Variants in FGB observed in about 807,000 individuals in gnomAD.
FGB encodes the protein fibrinogen beta chain.
In FGB, 25 loss-of-function variants were observed where a neutral mutation model predicts 57.9. That is an observed-to-expected ratio of 0.43 (90% CI 0.31 to 0.60). FGB has a LOEUF of 0.60. FGB is among the 20% of genes least tolerant of loss of function. The pLI is 0.08. For synonymous variants in FGB, 203 were observed against 199.2 expected (o/e 1.02, Z -0.16); for missense variants, 536 against 598.4 (o/e 0.90, Z 1.09).
rs1305307903 is a variant in FGB at position 154,570,730 on chromosome 4, T to C, written c.*80T>C. 1.0e-5 allele frequency: 11 copies of C among 1,075,296 alleles called. No homozygotes were observed. Among genetic ancestry groups the C allele is most frequent in the Non-Finnish European group, 1.6e-5 (11 of 704,096 alleles). 66.6% of individuals were successfully genotyped at this position (1,075,296 alleles called of 1,614,324 possible). A position where few individuals can be genotyped will look rare whatever the true frequency, so the allele number is the denominator to read the frequency against. The stretch of plus-strand genomic sequence containing the variant: ...TGTTATTGGAATTTTCTTTCATACA[T>C]TATATTCCTCTAAAACTCTCAAGCA... On this transcript the variant is annotated 3_prime_UTR_variant, in exon 8 of 8. Coordinates refer to ENST00000302068, the MANE Select transcript of FGB (RefSeq NM_005141.5).
intron 5 of FGB, 92 bp downstream of exon 5, chr4:154,568,586 C>G: frequency 1.3e-6 from 1 of 785,884 alleles, no homozygotes; most frequent in South Asian, 1.4e-5. Context: ...TGGCTCATAC[C>G]TGTAATTCCA....
In FGB at chr4:154,566,608, T is replaced by G. The variant is rs1277349539; in HGVS notation, c.426T>G (p.Ser142=). 1 of 1,614,154 alleles carries G rather than the reference T, an allele frequency of 6.2e-7. No individual in the cohort carries two copies. Among genetic ancestry groups the G allele is most frequent in the Non-Finnish European group, 8.5e-7 (1 of 1,180,006 alleles). ...TGGAAGCTGTTTCCCAGACCTCCTC[T>G]TCTTCCTTTCAGTACATGTATTTGC... The part of the protein sequence containing the change: ...NNVEAVSQTS[S]SSFQYMYLLK... Residue 142 remains serine (S), a synonymous_variant, in exon 3 of 8, where the codon TCT becomes TCG. Transcript: ENST00000302068.
At position 154,572,642 on chromosome 4, in the gene FGB, T is replaced by C. The variant is rs542921856; in HGVS notation, c.*1992T>C. Among the ~76,000 whole-genome samples, 14 of 152,272 alleles carry C rather than the reference T, an allele frequency of 9.2e-5. No individual in the cohort carries two copies. Among genetic ancestry groups the C allele is most frequent in the African/African-American group, 3.4e-4 (14 of 41,554 alleles). ...AGCTTAGACTCTGAACACATATTCT[T>C]CTTAGACCATACAGTCATTCTCAGG... On this transcript the variant is annotated 3_prime_UTR_variant, in exon 8 of 8. Coordinates refer to ENST00000302068, the MANE Select transcript of FGB (RefSeq NM_005141.5).
chr4:154,566,062 G>A, intron 2 of FGB, 63 bp downstream of exon 2: 1 of 1,422,142 alleles, frequency 7.0e-7, no homozygotes, highest in Non-Finnish European at 9.8e-7. Flanking sequence ...TGTAGTCATG[G>A]CAGTCTGCTA....
chr4:154,564,619 T>C (rs1403779306), intron 1 of FGB, among the ~76,000 whole-genome samples: 2 of 152,164 alleles, frequency 1.3e-5, no homozygotes, highest in Admixed American at 1.3e-4. Flanking sequence ...AATGAATAAA[T>C]GACAATGCAA....
At chr4:154,566,880 T>C (rs368199571) in intron 3 of FGB, 67 of 578,338 alleles carry the variant, frequency 1.2e-4, no homozygotes, top group African/African-American at 1.0e-3. Flanking sequence ...TGATTTTCTA[T>C]GAAAAATTCT....
rs528172101 is a variant in FGB at position 154,570,512 on chromosome 4, C to T, written c.1338C>T (p.Tyr446=). Residue 446 remains tyrosine, a synonymous_variant, in exon 8 of 8, where the codon TAC becomes TAT. Transcript: ENST00000302068. ...RCHAANPNGR[Y]YWGGQYTWDM... is the part of the protein sequence containing the mutation. The stretch of plus-strand genomic sequence containing the variant: ...ATGCAGCCAATCCAAACGGCAGATA[C>T]TACTGGGGTGGACAGTACACCTGGG... 1 of 1,614,098 alleles carries T rather than the reference C, an allele frequency of 6.2e-7. No individual in the cohort carries two copies. The highest frequency in any genetic ancestry group is 1.3e-5 in the African/African-American group (1 of 75,022).
chr4:154,571,814 CT>C lies in FGB; in HGVS notation c.*1165del, dbSNP rs1364671116. On this transcript the variant is annotated 3_prime_UTR_variant, in exon 8 of 8. Transcript: ENST00000302068. ...CCTTATGACCCTAGGTCCTCCACCC[CT>C]AATGTATCATCATTGCCACCCATTT... Among the ~76,000 whole-genome samples, 1 of 152,206 alleles carries C rather than the reference CT, an allele frequency of 6.6e-6. No individual in the cohort carries two copies. Among genetic ancestry groups the C allele is most frequent in the Non-Finnish European group, 1.5e-5 (1 of 68,032 alleles).
chr4:154,567,570 T>C, intron 3 of FGB, 23 bp from the exon 4 acceptor site: 1 of 1,452,682 alleles, frequency 6.9e-7, no homozygotes, highest in Non-Finnish European at 9.7e-7. Context: ...GCTAACTATT[T>C]CTACATAATT....
chr4:154,563,200 T>C (rs1210238876), intron 1 of FGB, 68 bp downstream of exon 1: 22 of 703,492 alleles, frequency 3.1e-5, no homozygotes, highest in Non-Finnish European at 4.9e-5. Context: ...ATAATCATAT[T>C]ATGTGCTTAT....
At chr4:154,570,325 A>G (rs1578785994) in intron 7 of FGB, 94 bp from the exon 8 acceptor site, 2 of 873,466 alleles carry the variant, frequency 2.3e-6, no homozygotes, top group East Asian at 5.0e-5. Flanking sequence ...ACTACTGTGC[A>G]CACGAGTGTA....
At chr4:154,565,295 G>A in intron 1 of FGB, 1 of 351,348 alleles carries the variant, frequency 2.8e-6, no homozygotes, top group Non-Finnish European at 5.8e-6. Flanking sequence ...CATTATGAGG[G>A]TCAAAGATTG....
At position 154,571,237 on chromosome 4, in the gene FGB, C is replaced by T. The variant is rs899471056; in HGVS notation, c.*587C>T. Among the ~76,000 whole-genome samples the T allele has an allele frequency of 6.6e-6, 1 of 152,076 alleles. No individual in the cohort carries two copies. Among genetic ancestry groups the T allele is most frequent in the Non-Finnish European group, 1.5e-5 (1 of 68,018 alleles). ...TCTGACTCTAGGACGGGCACGGTGG[C>T]TCACGACTATAATCCCAACACTTTG... On this transcript the variant is annotated 3_prime_UTR_variant, in exon 8 of 8. Coordinates refer to ENST00000302068, the MANE Select transcript of FGB (RefSeq NM_005141.5).
intron 3 of FGB, chr4:154,566,890 T>C (rs1730184879): frequency 1.7e-6 from 1 of 574,050 alleles, no homozygotes; most frequent in Non-Finnish European, 3.1e-6. Flanking sequence ...TGAAAAATTC[T>C]ACTATGACTC....
At chr4:154,564,042 G>A (rs1730054406) in intron 1 of FGB, among the ~76,000 whole-genome samples, 3 of 151,578 alleles carry the variant, frequency 2.0e-5, no homozygotes, top group Admixed American at 1.3e-4. Context: ...GGTTGTGTGT[G>A]TAAAAACATA....
rs1180335028 is a variant in FGB at position 154,571,046 on chromosome 4, C to G, written c.*396C>G. ...ATGTAGGATCTGTCAAAGAAAACTTCCAAAAAGATTTATTAATTAAACCAG... is the reference window on the plus strand; with the variant it reads ...ATGTAGGATCTGTCAAAGAAAACTTGCAAAAAGATTTATTAATTAAACCAG... On this transcript the variant is annotated 3_prime_UTR_variant, in exon 8 of 8. Coordinates refer to ENST00000302068, the MANE Select transcript of FGB (RefSeq NM_005141.5). 1 of 287,588 alleles carries G rather than the reference C, an allele frequency of 3.5e-6. No homozygotes were observed. Among genetic ancestry groups the G allele is most frequent in the Admixed American group, 5.0e-5 (1 of 19,870 alleles). 17.8% of individuals were successfully genotyped at this position (287,588 alleles called of 1,614,324 possible).
chr4:154,571,183 A>T lies in FGB; in HGVS notation c.*533A>T, dbSNP rs1288832181. 1 of 186,758 alleles carries T rather than the reference A, an allele frequency of 5.4e-6. No homozygotes were observed. Among genetic ancestry groups the T allele is most frequent in the Non-Finnish European group, 1.1e-5 (1 of 89,870 alleles). 11.6% of individuals were successfully genotyped at this position (186,758 alleles called of 1,614,324 possible). A position where few individuals can be genotyped will look rare whatever the true frequency, so the allele number is the denominator to read the frequency against. The stretch of plus-strand genomic sequence containing the variant: ...GTTCACAACCTCAAATAGCTAATAA[A>T]CCGGTCTTGAATATTTGAAGATTTA... On this transcript the variant is annotated 3_prime_UTR_variant, in exon 8 of 8. Coordinates refer to ENST00000302068, the MANE Select transcript of FGB (RefSeq NM_005141.5).
Position 154,569,706 on chromosome 4 carries a change from T to C in FGB, c.1151T>C (p.Met384Thr). The C allele has an allele frequency of 1.2e-6, 2 of 1,614,112 alleles. No homozygotes were observed. The highest frequency in any genetic ancestry group is 2.2e-5 in the East Asian group (1 of 44,874). Residue 384 changes from methionine (M) to threonine (T), a missense_variant, in exon 7 of 8, where the codon ATG becomes ACG. Around this residue, in one of 3 missense-constraint regions of FGB, gnomAD observed 177 missense variants for 193.7 expected, o/e 0.91. Coordinates refer to ENST00000302068, the MANE Select transcript of FGB (RefSeq NM_005141.5). ...AGAGGAACAGCCGGTAATGCCCTCA[T>C]GGATGGAGCATCTCAGCTGATGGGA... ...KYRGTAGNAL[M>T]DGASQLMGEN...
At chr4:154,569,052 C>T in intron 5 of FGB, 130 bp from the exon 6 acceptor site, 1 of 1,008,972 alleles carries the variant, frequency 9.9e-7, no homozygotes, top group East Asian at 2.5e-5. Context: ...ATATTTATTT[C>T]CTTATTGTGT....
Sources: gnomAD v4.1 joint callset for allele counts (sites outside exome capture counted in the v4.1 genomes callset) on GRCh38, gnomAD v4.1.1 for gene constraint, gnomAD v4.1.1 regional missense constraint, MANE v1.5 for transcripts, NCBI Gene and HGNC (gene_info 2026-07-23, HGNC 2026-07-21) for gene names.